Variants in CFAP69 observed in about 807,000 individuals in gnomAD.
CFAP69 encodes cilia and flagella associated protein 69.
Under a neutral mutation model 123.0 loss-of-function variants are expected in CFAP69, and 92 were observed. The ratio of observed to expected loss-of-function variants is 0.75; its 90% CI spans 0.63 to 0.89. The LOEUF is 0.89. CFAP69 is among the 40% of genes least tolerant of loss of function. The probability of loss-of-function intolerance (pLI) is 0.00; values close to 1 mark genes in which losing one functional copy is unlikely to be tolerated. For synonymous variants in CFAP69, 380 were observed against 364.3 expected (o/e 1.04, Z -0.49); for missense variants, 1,067 against 1,096.9 (o/e 0.97, Z 0.39).
intron 17 of CFAP69, chr7:90,302,270 T>G (rs1273259593): frequency 2.0e-5 from 3 of 152,236 alleles, no homozygotes; most frequent in African/African-American, 7.2e-5. Context: ...ATTCTGTTGG[T>G]TGGCTTTTCA....
chr7:90,312,085 A>G (rs987904919), downstream of CFAP69, among the ~76,000 whole-genome samples: 2 of 152,192 alleles, frequency 1.3e-5, no homozygotes, highest in African/African-American at 4.8e-5. Context: ...TAGAGACCAT[A>G]TCTCATTAAT....
chr7:90,246,625 T>C (rs1796371485), intron 1 of CFAP69, among the ~76,000 whole-genome samples: 1 of 152,194 alleles, frequency 6.6e-6, no homozygotes, highest in African/African-American at 2.4e-5. Context: ...TATTCCCCTC[T>C]GGGCGGGGAG....
chr7:90,265,884 G>T (rs1009901140), intron 5 of CFAP69: 5 of 151,976 alleles, frequency 3.3e-5, no homozygotes, highest in African/African-American at 1.2e-4. Flanking sequence ...ATCATAAAAG[G>T]GTAGGCACTT....
intron 8 of CFAP69, among the ~76,000 whole-genome samples, chr7:90,273,601 A>G (rs1800284846): frequency 6.6e-6 from 1 of 152,216 alleles, no homozygotes; most frequent in African/African-American, 2.4e-5. Context: ...AAGTATTTTC[A>G]TAAAAGTGTG....
chr7:90,289,357 G>C (rs538794286), intron 15 of CFAP69, among the ~76,000 whole-genome samples: 43 of 152,158 alleles, frequency 2.8e-4, no homozygotes, highest in African/African-American at 8.9e-4. Flanking sequence ...TTATGGACTT[G>C]TGCCAGTGTC....
At chr7:90,299,130 T>A (rs1338910490) in intron 16 of CFAP69, among the ~76,000 whole-genome samples, 2 of 152,138 alleles carry the variant, frequency 1.3e-5, no homozygotes, top group Admixed American at 1.3e-4. Flanking sequence ...TGTTCGCAAT[T>A]AAAACAAAAG....
At position 90,282,895 on chromosome 7, in the gene CFAP69, C is replaced by T. The variant is rs17865959; in HGVS notation, c.1376C>T (p.Pro459Leu). Residue 459 changes from proline (P) to leucine (L), a missense_variant, in exon 13 of 23, where the codon CCG becomes CTG. Transcript: ENST00000389297. ...AFLEWCESED[P>L]FFSHGNSFHG... ...AATTATCACTTTTTCTCCACAGATC[C>T]GTTTTTCAGTCATGGTAACAGTTTT... is the stretch of plus-strand genomic sequence containing the variant. The T allele has an allele frequency of 1.5e-3, 2,232 of 1,469,046 alleles. 27 individuals are homozygous for T. In the African/African-American group the frequency reaches 0.029, roughly 19 times the overall value. The allele number at this position is 1,469,046 out of a possible 1,614,324, so 91.0% of individuals were successfully genotyped here.
At chr7:90,251,256 A>G (rs952108508) in intron 1 of CFAP69, among the ~76,000 whole-genome samples, 4 of 152,160 alleles carry the variant, frequency 2.6e-5, no homozygotes, top group African/African-American at 9.7e-5. Flanking sequence ...TATAGTGGTA[A>G]AAAGAAAGGT....
At chr7:90,278,272 G>T (rs1202954288) in intron 11 of CFAP69, among the ~76,000 whole-genome samples, 1 of 152,206 alleles carries the variant, frequency 6.6e-6, no homozygotes, top group East Asian at 1.9e-4. Flanking sequence ...ATCCCAGGTA[G>T]CTCAACTTCA....
At position 90,271,303 on chromosome 7, in the gene CFAP69, G is replaced by C. The variant is rs775324381; in HGVS notation, c.533-223G>C. Among the ~76,000 whole-genome samples the C allele has an allele frequency of 1.1e-4, 17 of 152,220 alleles. No individual in the cohort carries two copies. The Middle Eastern group carries it at 0.01, about 91-fold the overall frequency. On this transcript the variant is annotated intron_variant, in intron 6 of 22. Coordinates refer to ENST00000389297, the MANE Select transcript of CFAP69 (RefSeq NM_001039706.3). Reference sequence around the variant, plus strand: ...TGCTTTCTTGCTACAATGTGCTATAGAGTTGAGTAGTTGGCAAGAAACCTT... The same window carrying C: ...TGCTTTCTTGCTACAATGTGCTATACAGTTGAGTAGTTGGCAAGAAACCTT...
chr7:90,322,188 T>A, the CFAP69 span: 1 of 152,314 alleles, frequency 6.6e-6, no homozygotes, highest in Non-Finnish European at 1.5e-5. Flanking sequence ...AATCATTAGT[T>A]CTGCCCTGGC....
Position 90,286,265 on chromosome 7 carries a change from A to G in CFAP69, c.1538-16A>G. 6.3e-7 allele frequency: 1 copy of G among 1,580,078 alleles called. No homozygotes were observed. The highest frequency in any genetic ancestry group is 8.6e-7 in the Non-Finnish European group (1 of 1,158,924). ...GTGTCCAATAACTATACAGTCTTTA[A>G]ATGTTTTCATACCAGGAATCTTTAA... On this transcript the variant is annotated splice_polypyrimidine_tract_variant and intron_variant, in intron 13 of 22. Coordinates refer to ENST00000389297, the MANE Select transcript of CFAP69 (RefSeq NM_001039706.3).
intron 15 of CFAP69, among the ~76,000 whole-genome samples, chr7:90,296,223 A>C (rs1791935884): frequency 6.6e-6 from 1 of 152,196 alleles, no homozygotes; most frequent in South Asian, 2.1e-4. Flanking sequence ...GTGCACCAAC[A>C]TCTTGAAACA....
chr7:90,300,164 G>GTTTTTT, intron 17 of CFAP69, 105 bp downstream of exon 17: 20 of 1,072,216 alleles, frequency 1.9e-5, no homozygotes, highest in South Asian at 4.6e-5. Context: ...TTTGTCTAAA[G>GTTTTTT]TTTTTTTTTT....
At chr7:90,312,543 G>T (rs963805620), downstream of CFAP69, 1 of 152,184 alleles carries the variant, frequency 6.6e-6, no homozygotes, top group Admixed American at 6.6e-5. Flanking sequence ...AGACAAATAA[G>T]TGTAAGTTGA....
chr7:90,297,738 T>A lies in CFAP69; in HGVS notation c.1776-11T>A. On this transcript the variant is annotated splice_polypyrimidine_tract_variant and intron_variant, in intron 15 of 22. Transcript: ENST00000389297. Reference sequence around the variant, plus strand: ...ATGTTTGTCAAATGAATAACTTTCTTTTAATTTAAGGTGCTGTATTTTGGG... The same window carrying A: ...ATGTTTGTCAAATGAATAACTTTCTATTAATTTAAGGTGCTGTATTTTGGG... The A allele has an allele frequency of 2.6e-6, 4 of 1,535,232 alleles. No individual in the cohort carries two copies. Among genetic ancestry groups the A allele is most frequent in the Non-Finnish European group, 3.5e-6 (4 of 1,131,384 alleles).
In CFAP69 at chr7:90,300,016, A is replaced by G; in HGVS notation, c.2007A>G (p.Glu669=). ...SLLIKLWRKE[E]KELGVKRDKN... Reference sequence around the variant, plus strand: ...TAATTAAATTGTGGAGAAAGGAGGAAAAAGAACTAGGAGTAAAACGTGATA... The same window carrying G: ...TAATTAAATTGTGGAGAAAGGAGGAGAAAGAACTAGGAGTAAAACGTGATA... Residue 669 remains glutamate, a synonymous_variant, in exon 17 of 23, where the codon GAA becomes GAG. Transcript: ENST00000389297. The G allele has an allele frequency of 6.2e-7, 1 of 1,608,792 alleles. No individual in the cohort carries two copies. The highest frequency in any genetic ancestry group is 8.5e-7 in the Non-Finnish European group (1 of 1,177,924).
chr7:90,255,336 G>A (rs1178361203), intron 1 of CFAP69, 87 bp from the exon 2 acceptor site: 1 of 1,046,568 alleles, frequency 9.6e-7, no homozygotes, highest in Non-Finnish European at 1.4e-6. Flanking sequence ...AAGTTACCAA[G>A]GGAAAGTATC....
At chr7:90,304,193 T>C (rs1329317867) in intron 18 of CFAP69, 87 bp downstream of exon 18, 24 of 1,416,068 alleles carry the variant, frequency 1.7e-5, no homozygotes, top group Non-Finnish European at 2.2e-5. Context: ...TCAAATATAA[T>C]GAGCAAAAAT....
Sources: allele counts gnomAD v4.1 joint callset (sites outside exome capture counted in the v4.1 genomes callset), GRCh38; gene constraint gnomAD v4.1.1; transcripts MANE v1.5; gene names NCBI Gene and HGNC (gene_info 2026-07-23, HGNC 2026-07-21).